EXD3: variants seen among roughly 807,000 people sequenced by gnomAD.
The protein encoded by EXD3 is exonuclease mut-7 homolog.
EXD3 carries 92 observed loss-of-function variants against 98.0 expected under a neutral mutation model. The ratio of observed to expected loss-of-function variants is 0.94; its 90% CI spans 0.79 to 1.12. The LOEUF (loss-of-function observed/expected upper bound fraction) is 1.12. Among genes scored for constraint, EXD3 ranks in the 50% most tolerant of loss-of-function variants. The pLI, the probability that EXD3 is intolerant of heterozygous loss-of-function variation, is 0.00. For synonymous variants in EXD3, 569 were observed against 526.0 expected, an observed-to-expected ratio of 1.08 and a Z score of -1.12; for missense variants, 1,222 against 1,191.6, an observed-to-expected ratio of 1.03 and a Z score of -0.38.
chr9:137,332,922 C>G (rs1833163283), intron 17 of EXD3, among the ~76,000 whole-genome samples: 1 of 152,154 alleles, frequency 6.6e-6, no homozygotes, highest in South Asian at 2.1e-4. Context: ...TATTGAGTGT[C>G]AACTGGATTG....
chr9:137,328,023 T>G (rs1832558811), intron 17 of EXD3, among the ~76,000 whole-genome samples: 1 of 152,198 alleles, frequency 6.6e-6, no homozygotes, highest in African/African-American at 2.4e-5. Context: ...TACTCCCATA[T>G]GATGAGTAAA....
At chr9:137,386,608 T>C (rs1269806282) in intron 2 of EXD3, among the ~76,000 whole-genome samples, 4 of 152,080 alleles carry the variant, frequency 2.6e-5, no homozygotes, top group African/African-American at 7.2e-5. Flanking sequence ...GCCAGGCCAC[T>C]TTATGGACTC....
intron 3 of EXD3, among the ~76,000 whole-genome samples, chr9:137,376,377 A>G (rs559995162): frequency 6.6e-6 from 1 of 150,650 alleles, no homozygotes; most frequent in Non-Finnish European, 1.5e-5. Context: ...AAGAAATGCA[A>G]TGATAGCCTT....
intron 1 of EXD3, among the ~76,000 whole-genome samples, chr9:137,417,893 G>C (rs1353030218): frequency 6.6e-6 from 1 of 152,182 alleles, no homozygotes; most frequent in Non-Finnish European, 1.5e-5. Context: ...AGGAGCCCGT[G>C]GGTGAGGGGC....
intron 1 of EXD3, among the ~76,000 whole-genome samples, chr9:137,401,794 G>C (rs776261625): frequency 6.6e-6 from 1 of 152,150 alleles, no homozygotes. Flanking sequence ...TTTTCCTCCC[G>C]GGCCTCCAGG....
chr9:137,365,903 A>G (rs1315270843), intron 7 of EXD3: 2 of 399,166 alleles, frequency 5.0e-6, no homozygotes, highest in African/African-American at 4.1e-5. Flanking sequence ...AGGCACACAC[A>G]TACATGCACA....
At chr9:137,317,765 C>G (rs962817099) in intron 19 of EXD3, among the ~76,000 whole-genome samples, 8 of 152,156 alleles carry the variant, frequency 5.3e-5, no homozygotes, top group Admixed American at 2.6e-4. Context: ...TCTTTGTCCC[C>G]AGCCTGGGTG....
At position 137,395,547 on chromosome 9, in the gene EXD3, G is replaced by A. The variant is rs1384687686; in HGVS notation, c.-47-143C>T. The A allele has an allele frequency of 2.5e-5, 18 of 718,298 alleles. No homozygotes were observed. The highest frequency in any genetic ancestry group is 3.2e-4 in the Middle Eastern group (1 of 3,172). The allele number at this position is 718,298 out of a possible 1,614,324, so 44.5% of individuals were successfully genotyped here. A position where few individuals can be genotyped will look rare whatever the true frequency, so the allele number is the denominator to read the frequency against. Reference sequence around the variant, plus strand: ...GGGACCCCCAGTCGCTGAGCATAGCGGGCAGCTCCACACTCCTCTCCCAGC... The same window carrying A: ...GGGACCCCCAGTCGCTGAGCATAGCAGGCAGCTCCACACTCCTCTCCCAGC... On this transcript the variant is annotated intron_variant, in intron 1 of 21. Transcript: ENST00000340951. This position sits in a 1 kb window ranked among gnomAD's most constrained non-coding sequence, Gnocchi z 6.5.
In EXD3 at chr9:137,366,766, G is replaced by T. The variant is rs975810979; in HGVS notation, c.517-134C>A. 94 of 1,158,718 alleles carry T rather than the reference G, an allele frequency of 8.1e-5. No homozygotes were observed. In the African/African-American group the frequency reaches 1.4e-3, roughly 18 times the overall value. The allele number at this position is 1,158,718 out of a possible 1,614,324, so 71.8% of individuals were successfully genotyped here. A position where few individuals can be genotyped will look rare whatever the true frequency, so the allele number is the denominator to read the frequency against. On this transcript the variant is annotated intron_variant, in intron 6 of 21. Coordinates refer to ENST00000340951, the MANE Select transcript of EXD3 (RefSeq NM_017820.5). ...AGGCCGTCCAGGCCCAGCAGTGCTC[G>T]CCCGGCCAGTGCTCACGCTCACACA...
At chr9:137,380,180 C>G (rs569887487) in intron 3 of EXD3, among the ~76,000 whole-genome samples, 2 of 151,862 alleles carry the variant, frequency 1.3e-5, no homozygotes, top group East Asian at 3.9e-4. Context: ...CCCACCCTGC[C>G]GGTCCCTCCT....
Position 137,317,215 on chromosome 9 carries a change from C to T in EXD3, c.2184+6510G>A, listed in dbSNP as rs1194742655. ...CCCCAGGCGCGCACCTGCCAGCCCACGCGGGGCCTCTCCTGTTGGATGGGC... is the reference window on the plus strand; with the variant it reads ...CCCCAGGCGCGCACCTGCCAGCCCATGCGGGGCCTCTCCTGTTGGATGGGC... On this transcript the variant is annotated intron_variant, in intron 19 of 21. Transcript: ENST00000340951. 5.9e-5 allele frequency among the ~76,000 whole-genome samples: 9 copies of T among 152,172 alleles called. No individual in the cohort carries two copies. The East Asian group carries it at 7.7e-4, about 13-fold the overall frequency.
At chr9:137,419,087 G>C (rs1157477884) in intron 1 of EXD3, among the ~76,000 whole-genome samples, 1 of 151,970 alleles carries the variant, frequency 6.6e-6, no homozygotes, top group Non-Finnish European at 1.5e-5. Flanking sequence ...GGAGATGTAC[G>C]AGGCTTATGT....
intron 17 of EXD3, among the ~76,000 whole-genome samples, chr9:137,332,640 G>A (rs183260305): frequency 9.7e-4 from 147 of 152,022 alleles, no homozygotes; most frequent in African/African-American, 3.1e-3. Flanking sequence ...TCAGGAGATC[G>A]AGACCATCCT....
chr9:137,384,828 C>G (rs1208023907), intron 2 of EXD3, among the ~76,000 whole-genome samples: 1 of 152,152 alleles, frequency 6.6e-6, no homozygotes, highest in Non-Finnish European at 1.5e-5. Flanking sequence ...CAAAACCCAG[C>G]CGGCTGTCAT....
intron 4 of EXD3, 93 bp downstream of exon 4, chr9:137,373,333 G>T: frequency 7.0e-7 from 1 of 1,433,052 alleles, no homozygotes; most frequent in Non-Finnish European, 9.5e-7. Flanking sequence ...TGCTGAGCGG[G>T]CTGCAAAGGC....
At chr9:137,348,965 C>T in intron 16 of EXD3, 145 bp downstream of exon 16, 1 of 987,730 alleles carries the variant, frequency 1.0e-6, no homozygotes, top group Non-Finnish European at 1.4e-6. Flanking sequence ...TTCACCAGGA[C>T]TTTGCTCCCC....
At position 137,348,042 on chromosome 9, in the gene EXD3, G is replaced by A. The variant is rs769898285; in HGVS notation, c.1998+29C>T. 7 of 1,596,292 alleles carry A rather than the reference G, an allele frequency of 4.4e-6. No individual in the cohort carries two copies. In the South Asian group the frequency reaches 7.9e-5, roughly 18 times the overall value. ...TGCTAGGGGCAGCTGCACCTTGGGA[G>A]GACCCCAAGACCCTCCCCGCAAACT... On this transcript the variant is annotated intron_variant, in intron 17 of 21. Coordinates refer to ENST00000340951, the MANE Select transcript of EXD3 (RefSeq NM_017820.5).
chr9:137,349,575 G>T lies in EXD3; in HGVS notation c.1495-44C>A. On this transcript the variant is annotated intron_variant, in intron 14 of 21. Coordinates refer to ENST00000340951, the MANE Select transcript of EXD3 (RefSeq NM_017820.5). This position sits in a 1 kb window ranked among gnomAD's most constrained non-coding sequence, Gnocchi z 7.4. ...GCAGGGTAACGCGTCTGGCCCTGGC[G>T]GCAGCACAGTCACCGTGCCCACTCA... The T allele has an allele frequency of 8.7e-6, 13 of 1,497,942 alleles. No individual in the cohort carries two copies. The highest frequency in any genetic ancestry group is 1.2e-5 in the Non-Finnish European group (13 of 1,125,912). 92.8% of individuals were successfully genotyped at this position (1,497,942 alleles called of 1,614,324 possible).
chr9:137,373,779 G>A lies in EXD3; in HGVS notation c.121-180C>T, dbSNP rs530464641. On this transcript the variant is annotated intron_variant, in intron 3 of 21. Transcript: ENST00000340951. ...CGCCGTTCTGGTCCGCTGCACCCCA[G>A]GCCCCCAGGGGCGGTGGTCATTGTC... Among the ~76,000 whole-genome samples the A allele has an allele frequency of 1.6e-4, 25 of 152,342 alleles. No individual in the cohort carries two copies. In the South Asian group the frequency reaches 4.8e-3, roughly 29 times the overall value.
Sources: allele counts gnomAD v4.1 joint callset (sites outside exome capture counted in the v4.1 genomes callset), GRCh38; gene constraint gnomAD v4.1.1; non-coding constraint Gnocchi (gnomAD v3.1); transcripts MANE v1.5; gene names NCBI Gene and HGNC (gene_info 2026-07-23, HGNC 2026-07-21).